Variants in EXD3 observed in about 807,000 individuals in gnomAD.
The protein encoded by EXD3 is exonuclease mut-7 homolog.
Under a neutral mutation model 98.0 loss-of-function variants are expected in EXD3, and 92 were observed. The ratio of observed to expected loss-of-function variants is 0.94; its 90% confidence interval spans 0.79 to 1.12. The LOEUF (loss-of-function observed/expected upper bound fraction) is 1.12, where lower values mean the gene tolerates loss of function less well. Ranked by LOEUF, EXD3 falls within the 50% of genes most tolerant of loss-of-function variation. The probability of loss-of-function intolerance (pLI) is 0.00; values close to 1 mark genes in which losing one functional copy is unlikely to be tolerated. For synonymous variants in EXD3, 569 were observed against 526.0 expected, an observed-to-expected ratio of 1.08 and a Z score of -1.12; for missense variants, 1,222 against 1,191.6, an observed-to-expected ratio of 1.03 and a Z score of -0.38.
intron 3 of EXD3, among the ~76,000 whole-genome samples, chr9:137,381,628 G>A (rs1223948654): frequency 6.6e-6 from 1 of 152,040 alleles, no homozygotes; most frequent in African/African-American, 2.4e-5. Context: ...CACGTTAGAG[G>A]AACACCTAAG....
intron 17 of EXD3, among the ~76,000 whole-genome samples, chr9:137,329,288 G>GA (rs1165883738): frequency 6.5e-5 from 1 of 15,342 alleles, no homozygotes; most frequent in Non-Finnish European, 9.6e-5. Context: ...AGCTACACGG[G>GA]GCTACAGGGG....
At chr9:137,307,764 T>G in intron 20 of EXD3, 118 bp from the exon 21 acceptor site, 2 of 1,118,366 alleles carry the variant, frequency 1.8e-6, no homozygotes, top group African/African-American at 1.5e-5. Flanking sequence ...GTGCAGCCTC[T>G]TCACACACCC....
At chr9:137,369,597 C>A (rs2131670228) in intron 5 of EXD3, among the ~76,000 whole-genome samples, 2 of 113,240 alleles carry the variant, frequency 1.8e-5, no homozygotes, top group East Asian at 5.3e-4. Context: ...TCCCTCACCG[C>A]TGCTGTCCCC....
intron 2 of EXD3, among the ~76,000 whole-genome samples, chr9:137,390,832 A>G (rs1836867369): frequency 6.6e-6 from 1 of 152,184 alleles, no homozygotes; most frequent in South Asian, 2.1e-4. Flanking sequence ...AGCCTCCTTC[A>G]GTGGAGCCGA....
intron 7 of EXD3, among the ~76,000 whole-genome samples, chr9:137,364,579 G>A (rs993370342): frequency 5.3e-5 from 8 of 151,526 alleles, no homozygotes; most frequent in East Asian, 2.0e-4. Flanking sequence ...CCTAGATTGC[G>A]CCACTGCACT....
Position 137,351,136 on chromosome 9 carries a change from C to T in EXD3, c.1396G>A (p.Val466Met). 6.3e-7 allele frequency: 1 copy of T among 1,576,782 alleles called. No individual in the cohort carries two copies. Residue 466 changes from valine to methionine, a missense_variant, in exon 14 of 22, where the codon GTG (valine) becomes ATG (methionine). By Grantham distance (21) the Val-to-Met change is conservative. Coordinates refer to ENST00000340951, the MANE Select transcript of EXD3 (RefSeq NM_017820.5). ...PSITKLGYGM[V>M]GDLQKLGTSC... ...GTGCCCAGTTTTTGCAGGTCCCCCA[C>T]CATCCCGTAGCCTGTGGGCAGGAAC...
chr9:137,355,199 C>A (rs1033239165), intron 8 of EXD3, among the ~76,000 whole-genome samples: 1 of 152,100 alleles, frequency 6.6e-6, no homozygotes, highest in African/African-American at 2.4e-5. Flanking sequence ...CACGTCCACA[C>A]CCTCCGTCAG....
rs775374361 is a variant in EXD3 at position 137,356,272 on chromosome 9, G to A, written c.753C>T (p.Ala251=). 2 of 1,597,436 alleles carry A rather than the reference G, an allele frequency of 1.3e-6. No individual in the cohort carries two copies. The highest frequency in any genetic ancestry group is 1.7e-6 in the Non-Finnish European group (2 of 1,173,258). Residue 251 remains alanine, a synonymous_variant, in exon 8 of 22, where the codon GCC becomes GCT. Coordinates refer to ENST00000340951, the MANE Select transcript of EXD3 (RefSeq NM_017820.5). ...VLRLQERYGV[A]PALCPNAAIQ... ...GAATGTGGGGGCTGGACTCACCTGG[G>A]GCTACGCCGTACCGCTCCTGCAGAC... is the stretch of plus-strand genomic sequence containing the variant.
At chr9:137,396,889 C>T (rs865937179) in intron 1 of EXD3, among the ~76,000 whole-genome samples, 1 of 152,226 alleles carries the variant, frequency 6.6e-6, no homozygotes, top group Non-Finnish European at 1.5e-5. Flanking sequence ...CCACGTTTCC[C>T]GACAGCAGTC....
At chr9:137,355,951 G>T (rs1193496530) in intron 8 of EXD3, among the ~76,000 whole-genome samples, 2 of 152,170 alleles carry the variant, frequency 1.3e-5, no homozygotes, top group Non-Finnish European at 2.9e-5. Flanking sequence ...GGGAGGAGTG[G>T]CTGGAGTCCT....
At chr9:137,311,554 C>T (rs1014412700) in intron 19 of EXD3, among the ~76,000 whole-genome samples, 12 of 152,342 alleles carry the variant, frequency 7.9e-5, no homozygotes, top group African/African-American at 2.9e-4. Flanking sequence ...GCGGGGCCAG[C>T]CAGCTCGTGC....
At chr9:137,310,205 G>A (rs1455065516) in intron 19 of EXD3, among the ~76,000 whole-genome samples, 1 of 152,226 alleles carries the variant, frequency 6.6e-6, no homozygotes, top group African/African-American at 2.4e-5. Flanking sequence ...CAACACCACT[G>A]TGTGCCTTGT....
chr9:137,315,967 C>T (rs1198708604), intron 19 of EXD3, among the ~76,000 whole-genome samples: 1 of 151,138 alleles, frequency 6.6e-6, no homozygotes, highest in Non-Finnish European at 1.5e-5. Context: ...CTCCCCCCTC[C>T]CCCTCGCTGT....
intron 1 of EXD3, among the ~76,000 whole-genome samples, 175 bp downstream of exon 1, chr9:137,422,939 C>A (rs1228968883): frequency 6.6e-6 from 1 of 152,070 alleles, no homozygotes; most frequent in Non-Finnish European, 1.5e-5. Context: ...TGCGGGAGAA[C>A]GCACCTTCCC....
rs185807037 is a variant in EXD3, at chr9:137,393,273, C to T, written c.55+2030G>A. ...AGTCAGCTCTGTGCTGAGGCGAACC[C>T]AGGGTCCCATGCGCTCCCCGGCCCT... On this transcript the variant is annotated intron_variant, in intron 2 of 21. Coordinates refer to ENST00000340951, the MANE Select transcript of EXD3 (RefSeq NM_017820.5). This position sits in a 1 kb window ranked among gnomAD's most constrained non-coding sequence, Gnocchi z 4.6. 9.8e-4 allele frequency: 687 copies of T among 701,664 alleles called. 6 individuals carry two copies. In the Admixed American group the frequency reaches 0.013, roughly 13 times the overall value. The allele number at this position is 701,664 out of a possible 1,614,324, so 43.5% of individuals were successfully genotyped here.
rs776316493 is a variant in EXD3, at chr9:137,356,380, G to C, written c.657-12C>G. The C allele has an allele frequency of 6.6e-7, 1 of 1,520,154 alleles. No homozygotes were observed. The highest frequency in any genetic ancestry group is 9.0e-7 in the Non-Finnish European group (1 of 1,106,196). 94.2% of individuals were successfully genotyped at this position (1,520,154 alleles called of 1,614,324 possible). A position where few individuals can be genotyped will look rare whatever the true frequency, so the allele number is the denominator to read the frequency against. On this transcript the variant is annotated splice_polypyrimidine_tract_variant and intron_variant, in intron 7 of 21. Coordinates refer to ENST00000340951, the MANE Select transcript of EXD3 (RefSeq NM_017820.5). ...CCTCAGGGTACCGTCTGTGGGGAGA[G>C]AGAGGCACAGCCTCTGTTGCTGTTT...
At chr9:137,383,496 GC>G in intron 2 of EXD3, 119 bp from the exon 3 acceptor site, 3 of 713,644 alleles carry the variant, frequency 4.2e-6, no homozygotes, top group Non-Finnish European at 6.9e-6. Context: ...GACCCGGGGG[GC>G]CGGGAACCCT....
At chr9:137,355,656 A>AGGAGGAAG (rs1834702174) in intron 8 of EXD3, among the ~76,000 whole-genome samples, 1 of 77,774 alleles carries the variant, frequency 1.3e-5, no homozygotes, top group African/African-American at 4.5e-5. Context: ...GGAAGGAGGA[A>AGGAGGAAG]GGAGGAAGGA....
intron 17 of EXD3, among the ~76,000 whole-genome samples, chr9:137,346,778 C>T (rs1833959401): frequency 6.6e-6 from 1 of 152,132 alleles, no homozygotes; most frequent in African/African-American, 2.4e-5. Context: ...CTGTGTGTTA[C>T]ACCAGCACCC....
Sources: gnomAD v4.1 joint callset for allele counts (sites outside exome capture counted in the v4.1 genomes callset) on GRCh38, gnomAD v4.1.1 for gene constraint, Gnocchi (gnomAD v3.1) non-coding constraint, MANE v1.5 for transcripts, NCBI Gene and HGNC (gene_info 2026-07-23, HGNC 2026-07-21) for gene names.